Variants in PRPSAP2 observed in about 807,000 individuals in gnomAD.
The protein encoded by PRPSAP2 is phosphoribosyl pyrophosphate synthase-associated protein 2.
A neutral mutation model predicts 40.6 loss-of-function variants in PRPSAP2; 24 were observed. The observed-to-expected ratio is 0.59, with a 90% CI of 0.43 to 0.83. The LOEUF is 0.83. Among genes scored for constraint, PRPSAP2 ranks in the 40% least tolerant of loss-of-function variants. The probability of loss-of-function intolerance (pLI) is 0.00; values close to 1 mark genes in which losing one functional copy is unlikely to be tolerated. For missense variants in PRPSAP2, 292 were observed against 465.6 expected, an observed-to-expected ratio of 0.63 and a Z score of 3.43; for synonymous variants, 149 against 164.7, an observed-to-expected ratio of 0.90 and a Z score of 0.73.
chr17:18,871,176 A>C (rs1391173081), intron 4 of PRPSAP2, among the ~76,000 whole-genome samples: 1 of 151,788 alleles, frequency 6.6e-6, no homozygotes, highest in Non-Finnish European at 1.5e-5. Flanking sequence ...TGTGCCACCA[A>C]GCCCAGCTAA....
At chr17:18,918,509 C>A (rs1303777850) in intron 9 of PRPSAP2, among the ~76,000 whole-genome samples, 1 of 152,224 alleles carries the variant, frequency 6.6e-6, no homozygotes, top group African/African-American at 2.4e-5. Context: ...ATAGCAGTAT[C>A]TGCGGGGAGC....
intron 8 of PRPSAP2, among the ~76,000 whole-genome samples, chr17:18,906,647 A>G (rs1341483949): frequency 1.3e-5 from 2 of 152,030 alleles, no homozygotes; most frequent in Non-Finnish European, 2.9e-5. Flanking sequence ...GCCATCACCC[A>G]GCTTTAAAAA....
intron 9 of PRPSAP2, among the ~76,000 whole-genome samples, chr17:18,920,615 T>A (rs1447908946): frequency 6.6e-6 from 1 of 152,164 alleles, no homozygotes; most frequent in African/African-American, 2.4e-5. Context: ...AAGAAAGCAT[T>A]CTTCCTGTAG....
At chr17:18,886,361 T>A (rs1308935619) in intron 7 of PRPSAP2, among the ~76,000 whole-genome samples, 1 of 148,382 alleles carries the variant, frequency 6.7e-6, no homozygotes, top group Non-Finnish European at 1.5e-5. Flanking sequence ...CATCTATACT[T>A]TTTTTTTTTT....
chr17:18,909,858 C>A (rs542234028), intron 8 of PRPSAP2, among the ~76,000 whole-genome samples: 2 of 151,788 alleles, frequency 1.3e-5, no homozygotes, highest in South Asian at 2.1e-4. Context: ...CCACTGCACT[C>A]CAGCCTGAGC....
intron 8 of PRPSAP2, among the ~76,000 whole-genome samples, chr17:18,890,588 A>G (rs1270502650): frequency 6.6e-6 from 1 of 152,220 alleles, no homozygotes; most frequent in East Asian, 1.9e-4. Context: ...CTGGGATTAC[A>G]GGCATGAGCC....
intron 7 of PRPSAP2, among the ~76,000 whole-genome samples, chr17:18,888,947 T>G (rs1239297771): frequency 6.6e-6 from 1 of 152,260 alleles, no homozygotes; most frequent in Non-Finnish European, 1.5e-5. Flanking sequence ...GGTCCTTTAA[T>G]TGTTATTAAC....
At chr17:18,914,695 C>T (rs1256994556) in intron 9 of PRPSAP2, among the ~76,000 whole-genome samples, 2 of 151,728 alleles carry the variant, frequency 1.3e-5, no homozygotes, top group East Asian at 1.9e-4. Context: ...AGCAGCCATG[C>T]ACCCTCTTTT....
chr17:18,881,528 G>A (rs1254598710), intron 6 of PRPSAP2, among the ~76,000 whole-genome samples: 10 of 151,930 alleles, frequency 6.6e-5, no homozygotes, highest in Admixed American at 1.3e-4. Context: ...GTGAGCCACC[G>A]TGTCCGGCCT....
chr17:18,882,091 G>A (rs920947151), intron 6 of PRPSAP2, among the ~76,000 whole-genome samples: 5 of 143,070 alleles, frequency 3.5e-5, no homozygotes, highest in African/African-American at 1.0e-4. Flanking sequence ...CACCCACCTC[G>A]CCCTCCCAAA....
intron 8 of PRPSAP2, among the ~76,000 whole-genome samples, chr17:18,902,806 T>C (rs1597676285): frequency 1.4e-5 from 2 of 144,572 alleles, no homozygotes; most frequent in South Asian, 2.1e-4. Flanking sequence ...GAGGCAGAGG[T>C]TGCAGTTAGT....
rs139670387 is a variant in PRPSAP2, at chr17:18,869,697, G to A, written c.172+2363G>A. Among the ~76,000 whole-genome samples the A allele has an allele frequency of 2.2e-4, 33 of 148,908 alleles. No individual in the cohort carries two copies. In the East Asian group the frequency reaches 5.6e-3, roughly 25 times the overall value. On this transcript the variant is annotated intron_variant, in intron 4 of 11. Coordinates refer to ENST00000268835, the MANE Select transcript of PRPSAP2 (RefSeq NM_002767.4). ...CATAATTTTTTTTTTTTTTTGATAC[G>A]GGGCTTTGCCATCTTGCTCAGGCTG...
chr17:18,862,858 T>TCTGCA (rs1016299515), intron 1 of PRPSAP2, among the ~76,000 whole-genome samples: 6 of 151,878 alleles, frequency 4.0e-5, no homozygotes, highest in Non-Finnish European at 7.4e-5. Context: ...TCTCGCTCTG[T>TCTGCA]CTCCCAGGCT....
intron 9 of PRPSAP2, among the ~76,000 whole-genome samples, chr17:18,913,029 A>G (rs2041059100): frequency 6.6e-6 from 1 of 152,226 alleles, no homozygotes; most frequent in African/African-American, 2.4e-5. Context: ...GGAGCAGCCC[A>G]TGCAGCAGCT....
Position 18,911,432 on chromosome 17 carries a change from T to C in PRPSAP2, c.733+181T>C, listed in dbSNP as rs1406750756. On this transcript the variant is annotated intron_variant, in intron 9 of 11. Transcript: ENST00000268835. This position sits in a 1 kb window ranked among gnomAD's most constrained non-coding sequence, Gnocchi z 4.5. ...TTACCTTGTAAATTGTAAGGCCGTT[T>C]AGAAGCAGTCTGTCCTTCTTTGCAA... Among the ~76,000 whole-genome samples the C allele has an allele frequency of 6.6e-6, 1 of 152,230 alleles. No homozygotes were observed. The highest frequency in any genetic ancestry group is 2.4e-5 in the African/African-American group (1 of 41,458).
chr17:18,874,113 C>T (rs1300516543), intron 5 of PRPSAP2, among the ~76,000 whole-genome samples: 4 of 152,008 alleles, frequency 2.6e-5, no homozygotes, highest in Non-Finnish European at 5.9e-5. Context: ...ACTGTATTGC[C>T]CAGCTGGTCT....
At chr17:18,890,329 C>G (rs1179319851) in intron 8 of PRPSAP2, among the ~76,000 whole-genome samples, 1 of 151,806 alleles carries the variant, frequency 6.6e-6, no homozygotes, top group Non-Finnish European at 1.5e-5. Flanking sequence ...ACCACCATGC[C>G]TGGCTAATTT....
At chr17:18,908,670 A>G in intron 8 of PRPSAP2, 1 of 722,412 alleles carries the variant, frequency 1.4e-6, no homozygotes, top group Non-Finnish European at 2.6e-6. Context: ...GCCCCAAGCC[A>G]GAGCTGCTGG....
At chr17:18,917,051 G>T (rs1376952906) in intron 9 of PRPSAP2, among the ~76,000 whole-genome samples, 1 of 152,132 alleles carries the variant, frequency 6.6e-6, no homozygotes, top group African/African-American at 2.4e-5. Context: ...TTGGGTTGGG[G>T]TGGTAGAGTT....
Sources: allele counts gnomAD v4.1 joint callset (sites outside exome capture counted in the v4.1 genomes callset), GRCh38; gene constraint gnomAD v4.1.1; non-coding constraint Gnocchi (gnomAD v3.1); transcripts MANE v1.5; gene names NCBI Gene and HGNC (gene_info 2026-07-23, HGNC 2026-07-21).